EXOSC9: variants seen among roughly 807,000 people sequenced by gnomAD.
The protein encoded by EXOSC9 is exosome component 9.
A neutral mutation model predicts 56.5 loss-of-function variants in EXOSC9; 38 were observed. The observed-to-expected ratio is 0.67, with a 90% CI of 0.52 to 0.88. EXOSC9 has a LOEUF of 0.88. Among genes scored for constraint, EXOSC9 ranks in the 40% least tolerant of loss-of-function variants. The pLI, the probability that EXOSC9 is intolerant of heterozygous loss-of-function variation, is 0.00. For missense variants in EXOSC9, 559 were observed against 530.5 expected (o/e 1.05, Z -0.53); for synonymous variants, 170 against 170.8 (o/e 0.99, Z 0.04).
chr4:121,802,001 C>T (rs1726883636), intron 2 of EXOSC9, 80 bp downstream of exon 2: 1 of 1,004,160 alleles, frequency 1.0e-6, no homozygotes, highest in Non-Finnish European at 1.6e-6. Context: ...GTTTATAAAG[C>T]AGCTAAGAAG....
intron 6 of EXOSC9, among the ~76,000 whole-genome samples, chr4:121,808,178 A>G (rs2149036470): frequency 6.6e-6 from 1 of 152,330 alleles, no homozygotes; most frequent in African/African-American, 2.4e-5. Flanking sequence ...TTTCAAATGA[A>G]AACTTGAGCC....
chr4:121,810,142 T>A (rs931891207), intron 7 of EXOSC9, 43 bp downstream of exon 7: 1 of 1,562,264 alleles, frequency 6.4e-7, no homozygotes, highest in East Asian at 2.3e-5. Context: ...AGGTTGCTTC[T>A]CTTTAGATGC....
In EXOSC9 at chr4:121,801,404, T is replaced by A. The variant is rs1726855374; in HGVS notation, c.-21T>A. The A allele has an allele frequency of 6.2e-7, 1 of 1,612,404 alleles. No homozygotes were observed. On this transcript the variant is annotated 5_prime_UTR_variant, in exon 1 of 12. Transcript: ENST00000243498. ...TTTTTCCCGCGGATTCTGGTGCCTG[T>A]GGGGCCGGTGACCCAACACCATGAA...
intron 5 of EXOSC9, among the ~76,000 whole-genome samples, chr4:121,807,082 T>A (rs1413246668): frequency 6.6e-6 from 1 of 152,028 alleles, no homozygotes; most frequent in African/African-American, 2.4e-5. Flanking sequence ...CACCTCAGGT[T>A]GGGAGTTCGA....
chr4:121,816,160 T>C, intron 10 of EXOSC9: 1 of 650,854 alleles, frequency 1.5e-6, no homozygotes, highest in Admixed American at 2.6e-5. Flanking sequence ...GGTTTCACCA[T>C]GTTGGCCAGA....
intron 10 of EXOSC9, 190 bp from the exon 11 acceptor site, chr4:121,816,179 G>T (rs773319898): frequency 1.5e-6 from 1 of 650,690 alleles, no homozygotes; most frequent in Non-Finnish European, 2.7e-6. Context: ...GACTGGACTC[G>T]AGTTCCTGAC....
At chr4:121,805,641 G>A (rs929008435) in intron 5 of EXOSC9, among the ~76,000 whole-genome samples, 5 of 152,056 alleles carry the variant, frequency 3.3e-5, no homozygotes, top group African/African-American at 4.8e-5. Flanking sequence ...AGTAGAAAGC[G>A]ATTACTACAC....
chr4:121,809,978 T>C lies in EXOSC9; in HGVS notation c.617T>C (p.Leu206Ser). The part of the protein sequence containing the change: ...FAFFQQGTYL[L>S]VDPNEREERV... ...AACATTCATTTCAGAACATATTTAT[T>C]GGTGGATCCCAATGAACGAGAAGAA... The change falls in exon 7 of 12, where the codon TTG becomes TCG. Residue 206 changes from leucine to serine, a missense_variant. By Grantham distance (145) the Leu-to-Ser change is moderately radical. Transcript: ENST00000243498. The C allele has an allele frequency of 1.2e-6, 2 of 1,614,150 alleles. No individual in the cohort carries two copies. Among genetic ancestry groups the C allele is most frequent in the Non-Finnish European group, 1.7e-6 (2 of 1,179,972 alleles).
intron 8 of EXOSC9, 32 bp downstream of exon 8, chr4:121,811,703 T>G: frequency 9.2e-7 from 1 of 1,082,142 alleles, no homozygotes; most frequent in Non-Finnish European, 1.3e-6. Flanking sequence ...AAGTGGTCTT[T>G]TATTTTCATT....
intron 11 of EXOSC9, 100 bp downstream of exon 11, chr4:121,816,547 A>C: frequency 1.1e-6 from 1 of 870,114 alleles, no homozygotes; most frequent in Non-Finnish European, 1.7e-6. Flanking sequence ...GACTATAAAC[A>C]AAAAGACATC....
intron 9 of EXOSC9, chr4:121,813,631 G>A (rs1438869024): frequency 1.9e-6 from 1 of 533,438 alleles, no homozygotes; most frequent in African/African-American, 1.9e-5. Context: ...TAACTAAAAT[G>A]TTGAGAGAAT....
intron 4 of EXOSC9, among the ~76,000 whole-genome samples, 157 bp downstream of exon 4, chr4:121,803,174 C>T (rs764512635): frequency 6.6e-6 from 1 of 151,996 alleles, no homozygotes; most frequent in African/African-American, 2.4e-5. Flanking sequence ...GAACTTTGTG[C>T]TACCTCTCTC....
Position 121,802,856 on chromosome 4 carries a change from GT to G in EXOSC9, c.282-55del, listed in dbSNP as rs1437218846. On this transcript the variant is annotated intron_variant, in intron 3 of 11. Coordinates refer to ENST00000243498, the MANE Select transcript of EXOSC9 (RefSeq NM_005033.3). The stretch of plus-strand genomic sequence containing the variant: ...GAGAACCTAACAGCAGTGAGCTTTT[GT>G]TTTAATACCTGGTGTTATATTTCAT... The G allele has an allele frequency of 3.1e-6, 5 of 1,611,342 alleles. No homozygotes were observed. In the Admixed American group the frequency reaches 8.4e-5, roughly 27 times the overall value.
chr4:121,802,946 C>T lies in EXOSC9; in HGVS notation c.313C>T (p.Leu105Phe). Residue 105 changes from leucine (L) to phenylalanine (F), a missense_variant, in exon 4 of 12, where the codon CTC becomes TTC. Physicochemically the swap from Leu to Phe is conservative, Grantham distance 22. Coordinates refer to ENST00000243498, the MANE Select transcript of EXOSC9 (RefSeq NM_005033.3). The part of the protein sequence containing the change: ...QSDLLVKLNR[L>F]MERCLRNSKC... The stretch of plus-strand genomic sequence containing the variant: ...AGATCTCTTGGTGAAGTTGAATCGA[C>T]TCATGGAAAGATGTCTAAGAAATTC... 2 of 1,614,008 alleles carry T rather than the reference C, an allele frequency of 1.2e-6. No homozygotes were observed. The highest frequency in any genetic ancestry group is 1.7e-6 in the Non-Finnish European group (2 of 1,179,926).
chr4:121,811,554 T>TA (rs1560626453), intron 7 of EXOSC9, 29 bp from the exon 8 acceptor site: 2 of 1,361,348 alleles, frequency 1.5e-6, no homozygotes, highest in South Asian at 1.4e-5. Flanking sequence ...TTATTGTCTT[T>TA]AAACAACAGA....
chr4:121,813,150 AAT>A (rs1269652264), intron 8 of EXOSC9, 82 bp from the exon 9 acceptor site: 42 of 1,272,468 alleles, frequency 3.3e-5, no homozygotes, highest in Non-Finnish European at 4.4e-5. Flanking sequence ...AGGATAAAAT[AAT>A]AGTTTTTTTC....
intron 9 of EXOSC9, 126 bp downstream of exon 9, chr4:121,813,506 CACTT>C (rs113553388): frequency 0.049 from 38,839 of 791,276 alleles, 5,001 homozygotes; most frequent in African/African-American, 0.4. Flanking sequence ...TTAGAGAAAA[CACTT>C]AAAATACAAG....
rs1724332117 is a variant in EXOSC9, at chr4:121,813,475, T to C, written c.974+95T>C. 8.3e-6 allele frequency: 9 copies of C among 1,085,936 alleles called. No individual in the cohort carries two copies. In the South Asian group the frequency reaches 1.4e-4, roughly 17 times the overall value. The allele number at this position is 1,085,936 out of a possible 1,614,324, so 67.3% of individuals were successfully genotyped here. ...GAAGGATGTGTATACTGAAATTAGT[T>C]TTTGTAAACACTGTACTTTGTTAGA... On this transcript the variant is annotated intron_variant, in intron 9 of 11. Transcript: ENST00000243498.
intron 8 of EXOSC9, 144 bp from the exon 9 acceptor site, chr4:121,813,090 G>A (rs1277098718): frequency 4.4e-6 from 3 of 677,722 alleles, no homozygotes; most frequent in Non-Finnish European, 2.4e-6. Flanking sequence ...ATAAATTGGT[G>A]AGGTTAAGTT....
Sources: gnomAD v4.1 joint callset for allele counts (sites outside exome capture counted in the v4.1 genomes callset) on GRCh38, gnomAD v4.1.1 for gene constraint, MANE v1.5 for transcripts, NCBI Gene and HGNC (gene_info 2026-07-23, HGNC 2026-07-21) for gene names.